Variants in KIF2A observed in about 807,000 individuals in gnomAD.
KIF2A encodes the protein kinesin-like protein KIF2A.
In KIF2A, 22 loss-of-function variants were observed where a neutral mutation model predicts 100.2. That is an observed-to-expected ratio of 0.22 (90% CI 0.16 to 0.31). The LOEUF (loss-of-function observed/expected upper bound fraction) is 0.31. Among genes scored for constraint, KIF2A ranks in the 10% least tolerant of loss-of-function variants. The probability of loss-of-function intolerance (pLI) is 1.00; values close to 1 mark genes in which losing one functional copy is unlikely to be tolerated. For synonymous variants in KIF2A, 268 were observed against 285.9 expected (o/e 0.94, Z 0.63); for missense variants, 495 against 898.7 (o/e 0.55, Z 5.74).
intron 9 of KIF2A, among the ~76,000 whole-genome samples, chr5:62,358,604 C>T (rs1748230617): frequency 5.9e-5 from 9 of 152,096 alleles, no homozygotes; most frequent in Admixed American, 5.9e-4. Flanking sequence ...GTTAACATTA[C>T]CTCTAGGAAT....
chr5:62,317,091 C>T (rs1745853127), intron 1 of KIF2A, among the ~76,000 whole-genome samples: 1 of 151,560 alleles, frequency 6.6e-6, no homozygotes, highest in African/African-American at 2.4e-5. Flanking sequence ...CTCTTGTTGC[C>T]CAGCTGGAGT....
chr5:62,371,033 G>A (rs571532201), intron 16 of KIF2A, among the ~76,000 whole-genome samples: 2 of 152,264 alleles, frequency 1.3e-5, no homozygotes, highest in African/African-American at 4.8e-5. Flanking sequence ...TTGGGAGGCC[G>A]AGGCAGGAGG....
chr5:62,354,787 A>C (rs1446760611), intron 6 of KIF2A, among the ~76,000 whole-genome samples: 1 of 152,168 alleles, frequency 6.6e-6, no homozygotes, highest in Non-Finnish European at 1.5e-5. Context: ...CAGCTTTTCT[A>C]GAGTTATTTG....
intron 13 of KIF2A, 148 bp from the exon 14 acceptor site, chr5:62,363,547 G>A (rs1740917126): frequency 9.4e-6 from 7 of 745,500 alleles, no homozygotes; most frequent in Non-Finnish European, 1.5e-5. Context: ...CTATTTAAGT[G>A]TTATAACTCA....
At chr5:62,360,047 A>G (rs1292833610) in intron 9 of KIF2A, among the ~76,000 whole-genome samples, 1 of 151,072 alleles carries the variant, frequency 6.6e-6, no homozygotes, top group Non-Finnish European at 1.5e-5. Flanking sequence ...GCTGGAGTGC[A>G]GTGGCATGAT....
At chr5:62,377,853 A>T (rs1741614436) in intron 19 of KIF2A, 91 bp downstream of exon 19, 4 of 734,204 alleles carry the variant, frequency 5.4e-6, no homozygotes, top group Non-Finnish European at 6.6e-6. Flanking sequence ...ATTCCTTAAA[A>T]AATACTTGTT....
intron 1 of KIF2A, among the ~76,000 whole-genome samples, chr5:62,311,484 A>G (rs1269692643): frequency 6.6e-6 from 1 of 152,182 alleles, no homozygotes; most frequent in Non-Finnish European, 1.5e-5. Context: ...TCAAGAGGCA[A>G]TTGAAGATTT....
At chr5:62,373,877 A>G (rs1270390394) in intron 18 of KIF2A, 40 bp downstream of exon 18, 2 of 1,472,840 alleles carry the variant, frequency 1.4e-6, no homozygotes, top group Non-Finnish European at 1.9e-6. Flanking sequence ...ATCTTAGTTC[A>G]TTTCATCAGT....
At chr5:62,328,891 C>T (rs1013783816) in intron 1 of KIF2A, among the ~76,000 whole-genome samples, 2 of 152,126 alleles carry the variant, frequency 1.3e-5, no homozygotes, top group African/African-American at 2.4e-5. Context: ...AGCTGCACAA[C>T]GGGCCCTTCT....
chr5:62,352,740 C>A, intron 5 of KIF2A, 30 bp downstream of exon 5: 1 of 1,590,782 alleles, frequency 6.3e-7, no homozygotes, highest in South Asian at 1.1e-5. Flanking sequence ...AGGATTTAGT[C>A]ATTTTAGGCA....
chr5:62,344,038 T>G (rs985600626), intron 1 of KIF2A, among the ~76,000 whole-genome samples: 1 of 152,086 alleles, frequency 6.6e-6, no homozygotes, highest in African/African-American at 2.4e-5. Context: ...TGAGCTTTAT[T>G]TTTCTCATCT....
intron 1 of KIF2A, among the ~76,000 whole-genome samples, chr5:62,327,701 C>T (rs1463363807): frequency 6.6e-6 from 1 of 152,120 alleles, no homozygotes; most frequent in Non-Finnish European, 1.5e-5. Context: ...ACATTTTACC[C>T]TAGTGGTAAA....
At chr5:62,368,675 G>T (rs1741194338) in intron 16 of KIF2A, among the ~76,000 whole-genome samples, 1 of 151,954 alleles carries the variant, frequency 6.6e-6, no homozygotes, top group South Asian at 2.1e-4. Flanking sequence ...CACTTGGGGG[G>T]CTGAGGTGAG....
chr5:62,340,991 A>G (rs192331961), intron 1 of KIF2A, among the ~76,000 whole-genome samples: 1 of 152,304 alleles, frequency 6.6e-6, no homozygotes, highest in African/African-American at 2.4e-5. Context: ...CTGCATTGGT[A>G]TTGTAGGTAG....
chr5:62,352,139 C>T (rs980845319), intron 4 of KIF2A, among the ~76,000 whole-genome samples: 18 of 134,778 alleles, frequency 1.3e-4, no homozygotes, highest in African/African-American at 5.0e-4. Context: ...GGCAACAGAG[C>T]GAGACTTCAT....
chr5:62,386,303 T>C lies in KIF2A; in HGVS notation c.*734T>C, dbSNP rs1313480237. The stretch of plus-strand genomic sequence containing the variant: ...ATTTTAAAACCATATAACATGTGAT[T>C]ATAATTTTTCTTAGCATTTTCTTTG... On this transcript the variant is annotated 3_prime_UTR_variant, in exon 21 of 21. Transcript: ENST00000407818. The C allele has an allele frequency of 6.5e-6, 1 of 152,674 alleles. No homozygotes were observed. The highest frequency in any genetic ancestry group is 1.5e-5 in the Non-Finnish European group (1 of 68,046). 9.5% of individuals were successfully genotyped at this position (152,674 alleles called of 1,614,324 possible).
At position 62,377,711 on chromosome 5, in the gene KIF2A, A is replaced by G. The variant is rs200421029; in HGVS notation, c.1962A>G (p.Gln654=). The change falls in exon 19 of 21, where the codon CAA becomes CAG. Residue 654 remains glutamine, a synonymous_variant. Coordinates refer to ENST00000407818, the MANE Select transcript of KIF2A (RefSeq NM_001098511.3). ...QLFTFHEAVS[Q]MVEMEEQVVE... ...TTACTTTCCACGAAGCTGTTTCACA[A>G]ATGGTAGAAATGGAAGAACAAGTTG... 3.9e-5 allele frequency: 61 copies of G among 1,558,426 alleles called. No individual in the cohort carries two copies. The highest frequency in any genetic ancestry group is 1.7e-4 in the Middle Eastern group (1 of 6,012).
intron 20 of KIF2A, among the ~76,000 whole-genome samples, chr5:62,382,367 G>A (rs1217510263): frequency 6.6e-6 from 1 of 152,124 alleles, no homozygotes; most frequent in Non-Finnish European, 1.5e-5. Flanking sequence ...CTTGATCCCA[G>A]GAGTTTGAGG....
chr5:62,362,237 A>G (rs1272201960), intron 11 of KIF2A: 1 of 181,456 alleles, frequency 5.5e-6, no homozygotes, highest in Non-Finnish European at 1.2e-5. Context: ...ATTAATATAT[A>G]TAAATAAAAG....
Sources: allele counts gnomAD v4.1 joint callset (sites outside exome capture counted in the v4.1 genomes callset), GRCh38; gene constraint gnomAD v4.1.1; transcripts MANE v1.5; gene names NCBI Gene and HGNC (gene_info 2026-07-23, HGNC 2026-07-21).